ZNF185: variants seen among roughly 807,000 people sequenced by gnomAD.
The protein encoded by ZNF185 is zinc finger protein 185 with LIM domain.
ZNF185 carries 56 observed loss-of-function variants against 58.6 expected under a neutral mutation model. The observed-to-expected ratio is 0.95, with a 90% CI of 0.77 to 1.19. The LOEUF is 1.19. Ranked by LOEUF, ZNF185 falls within the 50% of genes most tolerant of loss-of-function variation. The pLI is 0.00. For synonymous variants in ZNF185, 230 were observed against 215.9 expected (o/e 1.07, Z -0.57); for missense variants, 627 against 573.5 (o/e 1.09, Z -0.95).
At chrX:152,922,389 C>A in intron 10 of ZNF185, 133 bp downstream of exon 11, 1 of 643,471 alleles carries the variant, frequency 1.6e-6, no homozygotes, top group Non-Finnish European at 2.3e-6. Context: ...AGTGACAAGA[C>A]GGGACAAAGA....
intron 21 of ZNF185, 32 bp from the exon 24 acceptor site, chrX:152,970,411 T>A: frequency 8.5e-7 from 1 of 1,181,752 alleles, no homozygotes; most frequent in Non-Finnish European, 1.2e-6. Context: ...CTTTGCTTTG[T>A]GTGTTGACCT....
the ZNF185 span, among the ~76,000 whole-genome samples, chrX:152,902,105 C>T: frequency 4.4e-5 from 5 of 112,577 alleles, no homozygotes; most frequent in Non-Finnish European, 7.5e-5. Flanking sequence ...CATTAACGCC[C>T]GCTGAGCCAT....
chrX:152,914,688 C>T (rs782133686), intron 1 of ZNF185, 22 bp from the exon 3 acceptor site: 35 of 1,193,168 alleles, frequency 2.9e-5, no homozygotes, highest in South Asian at 3.7e-5. Flanking sequence ...TCTTCTGAGG[C>T]GGTTGGCTTT....
chrX:152,961,346 C>T (rs781953019), intron 17 of ZNF185, among the ~76,000 whole-genome samples: 1 of 112,230 alleles, frequency 8.9e-6, no homozygotes, highest in Non-Finnish European at 1.9e-5. Context: ...CTCAGCCTGG[C>T]TCTGGTCTCT....
At chrX:152,972,064 C>T (rs781895515) in exon 23 of ZNF185, 1 of 111,760 alleles carries the variant, frequency 8.9e-6, no homozygotes, top group South Asian at 3.7e-4. Context: ...TGTATAGATC[C>T]CAGCAGGATT....
At chrX:152,907,398 T>C in the ZNF185 span, among the ~76,000 whole-genome samples, 11 of 113,025 alleles carry the variant, frequency 9.7e-5, no homozygotes, top group Middle Eastern at 9.2e-3. Flanking sequence ...TCCTTCGAGG[T>C]TGCTGGGCAA....
intron 16 of ZNF185, among the ~76,000 whole-genome samples, chrX:152,950,244 A>G (rs1569512138): frequency 1.8e-5 from 2 of 112,419 alleles, no homozygotes; most frequent in African/African-American, 3.2e-5. Flanking sequence ...TGAGAAAAAC[A>G]TAAATAAACT....
the ZNF185 span, among the ~76,000 whole-genome samples, chrX:152,905,178 C>T: frequency 8.7e-4 from 98 of 113,184 alleles, no homozygotes; most frequent in Non-Finnish European, 1.6e-3. Flanking sequence ...TAAGGCATGG[C>T]TGGCTCTGCG....
intron 8 of ZNF185, 62 bp from the exon 10 acceptor site, chrX:152,920,645 G>A (rs1939516312): frequency 8.4e-6 from 10 of 1,190,269 alleles, no homozygotes; most frequent in South Asian, 1.8e-5. Flanking sequence ...GAGGTAGAGC[G>A]GTCTTGATGT....
At chrX:152,942,119 G>A (rs782735875) in intron 15 of ZNF185, among the ~76,000 whole-genome samples, 52 of 112,505 alleles carry the variant, frequency 4.6e-4, no homozygotes, top group African/African-American at 1.6e-3. Context: ...GAGGGGCTTC[G>A]TTCCCTAGGA....
chrX:152,903,893 A>C, the ZNF185 span, among the ~76,000 whole-genome samples: 29 of 111,468 alleles, frequency 2.6e-4, no homozygotes, highest in African/African-American at 9.5e-4. Context: ...GCCTGCCTTA[A>C]AAGTCTGCCT....
intron 10 of ZNF185, 115 bp from the exon 12 acceptor site, chrX:152,922,605 T>A (rs972699498): frequency 2.9e-6 from 2 of 684,955 alleles, no homozygotes; most frequent in African/African-American, 4.4e-5. Flanking sequence ...ACCATGGCAG[T>A]AGCATGCCAT....
At chrX:152,950,550 G>A (rs1433679722) in intron 16 of ZNF185, among the ~76,000 whole-genome samples, 1 of 111,360 alleles carries the variant, frequency 9.0e-6, no homozygotes, top group Non-Finnish European at 1.9e-5. Context: ...ACCCATTATA[G>A]ACTAATTTAG....
At chrX:152,963,888 T>C in exon 18 of ZNF185, 2 of 1,211,676 alleles carry the variant, frequency 1.7e-6, no homozygotes, top group Non-Finnish European at 2.2e-6. Flanking sequence ...CACTGCCACA[T>C]CTGAGCAGCC....
At chrX:152,916,320 C>T (rs1556865721) in intron 3 of ZNF185, among the ~76,000 whole-genome samples, 2 of 111,248 alleles carry the variant, frequency 1.8e-5, no homozygotes, top group East Asian at 5.7e-4. Context: ...GACTCCTCCC[C>T]TAACTCTGAG....
At chrX:152,965,495 T>C in exon 19 of ZNF185, 1 of 1,189,609 alleles carries the variant, frequency 8.4e-7, no homozygotes, top group Non-Finnish European at 1.1e-6. Context: ...GTGAAGTGTC[T>C]TCTGGGAAGC....
chrX:152,905,475 C>T, the ZNF185 span, among the ~76,000 whole-genome samples: 1 of 111,588 alleles, frequency 9.0e-6, no homozygotes, highest in Non-Finnish European at 1.9e-5. Flanking sequence ...GTGGGAGGGC[C>T]CTTACTCAGA....
At chrX:152,927,230 G>A (rs782673203) in intron 11 of ZNF185, among the ~76,000 whole-genome samples, 90 of 112,622 alleles carry the variant, frequency 8.0e-4, no homozygotes, top group Non-Finnish European at 1.4e-3. Flanking sequence ...CGATGTCATC[G>A]TCGTTATCAC....
chrX:152,910,466 T>A (rs1937012558), upstream of ZNF185, among the ~76,000 whole-genome samples: 1 of 112,717 alleles, frequency 8.9e-6, no homozygotes, highest in Non-Finnish European at 1.9e-5. Flanking sequence ...TGCTTTTCAC[T>A]GAGTGATGTA....
Sources: allele counts gnomAD v4.1 joint callset (sites outside exome capture counted in the v4.1 genomes callset), GRCh38; gene constraint gnomAD v4.1.1; transcripts MANE v1.5; gene names NCBI Gene and HGNC (gene_info 2026-07-23, HGNC 2026-07-21).